Variants in CIDEA observed in about 807,000 individuals in gnomAD.
CIDEA encodes cell death inducing DFFA like effector a, also known as lipid transferase CIDEA.
Under a neutral mutation model 18.2 loss-of-function variants are expected in CIDEA, and 10 were observed. The ratio of observed to expected loss-of-function variants is 0.55; its 90% CI spans 0.34 to 0.93. CIDEA has a LOEUF of 0.93. Among genes scored for constraint, CIDEA ranks in the 40% least tolerant of loss-of-function variants. The pLI is 0.02. For synonymous variants in CIDEA, 128 were observed against 124.8 expected, an observed-to-expected ratio of 1.03 and a Z score of -0.17; for missense variants, 309 against 293.1, an observed-to-expected ratio of 1.05 and a Z score of -0.40.
At chr18:12,263,090 T>TG (rs1377244957) in intron 2 of CIDEA, 121 bp downstream of exon 2, 13 of 998,032 alleles carry the variant, frequency 1.3e-5, no homozygotes, top group East Asian at 2.8e-5. Context: ...AGCATCTCAC[T>TG]GGGGGGAAAC....
intron 3 of CIDEA, among the ~76,000 whole-genome samples, chr18:12,270,721 G>A (rs1219687606): frequency 1.6e-5 from 2 of 125,406 alleles, no homozygotes; most frequent in Non-Finnish European, 3.1e-5. Context: ...AAAAAAGCAG[G>A]TGGGGAGATG....
At chr18:12,275,350 A>T (rs1905295434) in intron 4 of CIDEA, among the ~76,000 whole-genome samples, 1 of 152,186 alleles carries the variant, frequency 6.6e-6, no homozygotes, top group African/African-American at 2.4e-5. Context: ...CTCAAAAATA[A>T]ATAAATAAAC....
rs779761134 is a variant in CIDEA at position 12,262,950 on chromosome 18, T to C, written c.164T>C (p.Leu55Pro). The C allele has an allele frequency of 3.1e-6, 5 of 1,614,106 alleles. No individual in the cohort carries two copies. The highest frequency in any genetic ancestry group is 2.5e-6 in the Non-Finnish European group (3 of 1,180,030). Residue 55 changes from leucine to proline, a missense_variant, in exon 2 of 5, where the codon CTG becomes CCG. Transcript: ENST00000320477. Reference protein sequence around the residue: ...SSRRGVMASSLQELISKTLDA... With the variant: ...SSRRGVMASSPQELISKTLDA... ...CGGCGTGGGGTGATGGCAAGCAGCC[T>C]GCAGGAGCTCATCAGCAAGGTGCCC... is the stretch of plus-strand genomic sequence containing the variant.
chr18:12,268,273 T>A (rs1201866183), intron 3 of CIDEA, among the ~76,000 whole-genome samples: 68 of 114,028 alleles, frequency 6.0e-4, no homozygotes, highest in Admixed American at 1.6e-3. Context: ...AGAGACGGGG[T>A]TTTGTCATAT....
chr18:12,256,841 A>G (rs917335316), intron 1 of CIDEA, among the ~76,000 whole-genome samples: 1 of 152,222 alleles, frequency 6.6e-6, no homozygotes, highest in Non-Finnish European at 1.5e-5. Flanking sequence ...GTGTTCAAAG[A>G]CTTCATGGTC....
intron 3 of CIDEA, among the ~76,000 whole-genome samples, chr18:12,273,495 C>A (rs1285502155): frequency 2.0e-5 from 3 of 152,096 alleles, no homozygotes; most frequent in Non-Finnish European, 2.9e-5. Flanking sequence ...TTCCTCCTCC[C>A]ACCCAGGGGG....
intron 1 of CIDEA, among the ~76,000 whole-genome samples, chr18:12,260,704 C>T (rs1239695012): frequency 6.6e-6 from 1 of 152,202 alleles, no homozygotes; most frequent in Non-Finnish European, 1.5e-5. Context: ...TCGCAGGTGA[C>T]AGGCATTGGC....
Position 12,274,077 on chromosome 18 carries a change from C to G in CIDEA, c.331-16C>G, listed in dbSNP as rs1417293426. 9 of 1,613,282 alleles carry G rather than the reference C, an allele frequency of 5.6e-6. No individual in the cohort carries two copies. In the East Asian group the frequency reaches 1.8e-4, roughly 32 times the overall value. On this transcript the variant is annotated splice_polypyrimidine_tract_variant and intron_variant, in intron 3 of 4. Transcript: ENST00000320477. Reference sequence around the variant, plus strand: ...AGGAAGGCTCCTGAAGCCTGCCCCTCCCCCCATTGTCACAGGGCAGCCAGC... The same window carrying G: ...AGGAAGGCTCCTGAAGCCTGCCCCTGCCCCCATTGTCACAGGGCAGCCAGC...
chr18:12,273,961 C>T, intron 3 of CIDEA, 132 bp from the exon 4 acceptor site: 7 of 897,992 alleles, frequency 7.8e-6, no homozygotes, highest in Middle Eastern at 3.4e-4. Flanking sequence ...ATCTCTCTAT[C>T]GATTAGCCAC....
intron 1 of CIDEA, 83 bp from the exon 2 acceptor site, chr18:12,262,742 A>T (rs149716485): frequency 7.6e-6 from 10 of 1,313,674 alleles, no homozygotes; most frequent in Non-Finnish European, 9.7e-6. Flanking sequence ...TGCAAATATT[A>T]AAAATGCATT....
intron 3 of CIDEA, among the ~76,000 whole-genome samples, chr18:12,273,323 G>A (rs1912603851): frequency 6.6e-6 from 1 of 152,044 alleles, no homozygotes; most frequent in South Asian, 2.1e-4. Flanking sequence ...CGAATCCTGA[G>A]TGCTGCAAGA....
intron 3 of CIDEA, among the ~76,000 whole-genome samples, chr18:12,264,832 C>T (rs1174886457): frequency 6.6e-6 from 1 of 152,354 alleles, no homozygotes; most frequent in African/African-American, 2.4e-5. Flanking sequence ...GGATTACAGG[C>T]GTGAGCCACC....
intron 3 of CIDEA, among the ~76,000 whole-genome samples, chr18:12,270,900 T>C (rs1442608416): frequency 5.9e-5 from 8 of 135,386 alleles, no homozygotes; most frequent in African/African-American, 1.6e-4. Context: ...TTTTCTTTTT[T>C]TTTTTTTTTT....
intron 3 of CIDEA, among the ~76,000 whole-genome samples, chr18:12,271,388 C>T (rs1424870657): frequency 1.3e-5 from 2 of 152,182 alleles, no homozygotes; most frequent in African/African-American, 4.8e-5. Context: ...GGGGTACCCA[C>T]CAAGGCAGGC....
chr18:12,260,744 GCATT>G (rs2144062838), intron 1 of CIDEA, among the ~76,000 whole-genome samples: 1 of 152,312 alleles, frequency 6.6e-6, no homozygotes, highest in Admixed American at 6.5e-5. Flanking sequence ...TAGTATTTTA[GCATT>G]CAGTGAGTTA....
At chr18:12,255,053 G>T in intron 1 of CIDEA, 2 of 733,122 alleles carry the variant, frequency 2.7e-6, no homozygotes, top group Non-Finnish European at 3.8e-6. Context: ...GGTGGACCCT[G>T]AGGAGTCTTC....
In CIDEA at chr18:12,274,102, C is replaced by G; in HGVS notation, c.340C>G (p.His114Asp). ...CCCCCCATTGTCACAGGGCAGCCAG[C>G]ACGTCCCCACTTGCTCGCCGCCGAA... ...KGQKWMPGSQ[H>D]VPTCSPPKRS... The change falls in exon 4 of 5, where the codon CAC (histidine) becomes GAC (aspartate). Residue 114 changes from histidine to aspartate, a missense_variant. By Grantham distance (81) the His-to-Asp change is moderately conservative (BLOSUM62 -1). Coordinates refer to ENST00000320477, the MANE Select transcript of CIDEA (RefSeq NM_001279.4). 6.2e-7 allele frequency: 1 copy of G among 1,614,166 alleles called. No individual in the cohort carries two copies. Among genetic ancestry groups the G allele is most frequent in the Non-Finnish European group, 8.5e-7 (1 of 1,180,014 alleles).
At chr18:12,270,872 CT>C (rs1568105192) in intron 3 of CIDEA, among the ~76,000 whole-genome samples, 1 of 112,650 alleles carries the variant, frequency 8.9e-6, no homozygotes, top group Non-Finnish European at 1.9e-5. Flanking sequence ...TGTTTGTTTT[CT>C]TTTCTTTTTC....
intron 3 of CIDEA, among the ~76,000 whole-genome samples, chr18:12,272,139 AGT>A (rs1306706787): frequency 9.4e-4 from 8 of 8,490 alleles, no homozygotes; most frequent in African/African-American, 2.9e-3. Context: ...CTCAGCTTTG[AGT>A]GTGTGTGTGG....
Sources: allele counts gnomAD v4.1 joint callset (sites outside exome capture counted in the v4.1 genomes callset), GRCh38; gene constraint gnomAD v4.1.1; transcripts MANE v1.5; gene names NCBI Gene and HGNC (gene_info 2026-07-23, HGNC 2026-07-21).